Variants in CLASP1 observed in about 807,000 individuals in gnomAD.
CLASP1 encodes the protein cytoplasmic linker associated protein 1.
CLASP1 carries 38 observed loss-of-function variants against 192.3 expected under a neutral mutation model. The observed-to-expected ratio is 0.20, with a 90% CI of 0.15 to 0.26. CLASP1 has a LOEUF of 0.26. Among genes scored for constraint, CLASP1 ranks in the 10% least tolerant of loss-of-function variants. CLASP1 has a pLI of 1.00. For synonymous variants in CLASP1, 691 were observed against 712.8 expected, an observed-to-expected ratio of 0.97 and a Z score of 0.49; for missense variants, 1,433 against 1,932.5, an observed-to-expected ratio of 0.74 and a Z score of 4.85.
At chr2:121,586,341 G>T (rs2061714192) in intron 2 of CLASP1, among the ~76,000 whole-genome samples, 1 of 152,094 alleles carries the variant, frequency 6.6e-6, no homozygotes, top group African/African-American at 2.4e-5. Context: ...TGGCCAGGCT[G>T]GTCTCAAATG....
chr2:121,366,061 G>T (rs6735895), intron 35 of CLASP1, among the ~76,000 whole-genome samples: 19,011 of 152,162 alleles, frequency 0.12, 1,613 homozygotes, highest in African/African-American at 0.23. Context: ...TACTTCTTTA[G>T]CTTCTAAGAT....
chr2:121,504,775 A>C (rs973400552), intron 7 of CLASP1, among the ~76,000 whole-genome samples: 9 of 152,172 alleles, frequency 5.9e-5, no homozygotes, highest in East Asian at 1.9e-4. Flanking sequence ...AGACACCAAC[A>C]ATCTTTTCAA....
intron 7 of CLASP1, among the ~76,000 whole-genome samples, chr2:121,507,456 A>G (rs958161018): frequency 1.3e-5 from 2 of 152,196 alleles, no homozygotes; most frequent in Non-Finnish European, 2.9e-5. Flanking sequence ...TACAAAACCA[A>G]TGTACCAACA....
intron 7 of CLASP1, among the ~76,000 whole-genome samples, chr2:121,505,586 T>C (rs933381069): frequency 1.3e-5 from 2 of 152,220 alleles, no homozygotes; most frequent in African/African-American, 4.8e-5. Flanking sequence ...AAAATGTCTC[T>C]CTTGGGACCT....
intron 1 of CLASP1, among the ~76,000 whole-genome samples, chr2:121,612,016 C>T: frequency 7.7e-6 from 1 of 130,252 alleles, no homozygotes; most frequent in East Asian, 2.4e-4. Flanking sequence ...GAAGGAGTTA[C>T]AGGAGGAAGA....
At chr2:121,529,236 A>G (rs1407090177) in intron 3 of CLASP1, among the ~76,000 whole-genome samples, 1 of 152,196 alleles carries the variant, frequency 6.6e-6, no homozygotes, top group Admixed American at 6.5e-5. Context: ...TACACACATG[A>G]GACAGAGCCC....
At chr2:121,446,198 A>C (rs895257115) in intron 19 of CLASP1, among the ~76,000 whole-genome samples, 2 of 152,244 alleles carry the variant, frequency 1.3e-5, no homozygotes, top group Non-Finnish European at 2.9e-5. Flanking sequence ...TCAAATTAAT[A>C]ATGTTCCTAT....
At chr2:121,469,742 C>T (rs1304841147) in intron 9 of CLASP1, 66 bp downstream of exon 9, 10 of 1,498,574 alleles carry the variant, frequency 6.7e-6, no homozygotes, top group African/African-American at 4.2e-5. Flanking sequence ...CAGGCAAGTA[C>T]GTGCACCTCT....
chr2:121,573,775 T>C (rs1181713083), intron 2 of CLASP1, among the ~76,000 whole-genome samples: 1 of 152,162 alleles, frequency 6.6e-6, no homozygotes, highest in Admixed American at 6.5e-5. Flanking sequence ...CTCTCTATAT[T>C]TTTCCTTATA....
At chr2:121,527,286 C>T (rs569310443) in intron 5 of CLASP1, among the ~76,000 whole-genome samples, 3 of 152,110 alleles carry the variant, frequency 2.0e-5, no homozygotes, top group Non-Finnish European at 4.4e-5. Flanking sequence ...CACATCTATA[C>T]CAAGGAATTC....
chr2:121,500,425 A>G (rs886795446), intron 8 of CLASP1, among the ~76,000 whole-genome samples: 1 of 151,540 alleles, frequency 6.6e-6, no homozygotes, highest in Non-Finnish European at 1.5e-5. Flanking sequence ...AAAAAAAGAA[A>G]AGAGAAAAGA....
intron 8 of CLASP1, among the ~76,000 whole-genome samples, chr2:121,497,362 TTGTTTTG>T: frequency 6.6e-6 from 1 of 152,178 alleles, no homozygotes; most frequent in Non-Finnish European, 1.5e-5. Context: ...GCAATATTTA[TTGTTTTG>T]TGTTTTGTCT....
intron 1 of CLASP1, among the ~76,000 whole-genome samples, chr2:121,607,168 C>T (rs1465697008): frequency 6.6e-6 from 1 of 151,976 alleles, no homozygotes; most frequent in Non-Finnish European, 1.5e-5. Flanking sequence ...ATGGTGAAAC[C>T]CTGTCTCTAA....
At chr2:121,405,929 T>C (rs1489978955) in intron 25 of CLASP1, among the ~76,000 whole-genome samples, 2 of 152,164 alleles carry the variant, frequency 1.3e-5, no homozygotes, top group African/African-American at 2.4e-5. Context: ...GAGCAACTCA[T>C]CAGGCAGTGC....
At chr2:121,405,469 T>G (rs917236886) in intron 25 of CLASP1, among the ~76,000 whole-genome samples, 15 of 152,168 alleles carry the variant, frequency 9.9e-5, no homozygotes, top group African/African-American at 3.6e-4. Context: ...AAACACTCAT[T>G]TCACATTGGT....
chr2:121,348,737 C>T lies in CLASP1; in HGVS notation c.4207-19G>A, dbSNP rs1462108126. The T allele has an allele frequency of 1.3e-6, 2 of 1,567,410 alleles. No individual in the cohort carries two copies. The highest frequency in any genetic ancestry group is 2.7e-5 in the African/African-American group (2 of 73,806). On this transcript the variant is annotated intron_variant, in intron 37 of 39. Coordinates refer to ENST00000263710, the Ensembl canonical transcript of CLASP1. Reference sequence around the variant, plus strand: ...TCACCACCTGAAACACCCAGTTCCCCCAAAGAGTGAGCTCCACATGCCACA... The same window carrying T: ...TCACCACCTGAAACACCCAGTTCCCTCAAAGAGTGAGCTCCACATGCCACA...
chr2:121,440,071 C>A, intron 19 of CLASP1, among the ~76,000 whole-genome samples: 1 of 135,192 alleles, frequency 7.4e-6, no homozygotes, highest in African/African-American at 2.8e-5. Context: ...TACCCTAAAA[C>A]TTAAAGTATA....
chr2:121,530,803 C>A, intron 2 of CLASP1: 1 of 618,034 alleles, frequency 1.6e-6, no homozygotes. Flanking sequence ...CCGACTAGGG[C>A]GAGGCTCACG....
chr2:121,444,858 G>T, intron 19 of CLASP1: 1 of 885,846 alleles, frequency 1.1e-6, no homozygotes, highest in Non-Finnish European at 1.7e-6. Context: ...GTGAGGACAA[G>T]TGGGTACTGG....
Sources: allele counts gnomAD v4.1 joint callset (sites outside exome capture counted in the v4.1 genomes callset), GRCh38; gene constraint gnomAD v4.1.1; transcripts MANE v1.5; gene names NCBI Gene and HGNC (gene_info 2026-07-23, HGNC 2026-07-21).